NBAS: variants seen among roughly 807,000 people sequenced by gnomAD.
The protein encoded by NBAS is NAG/BC035112 fusion.
A neutral mutation model predicts 302.5 loss-of-function variants in NBAS; 219 were observed. The ratio of observed to expected loss-of-function variants is 0.72; its 90% CI spans 0.65 to 0.81. The LOEUF is 0.81. Ranked by LOEUF, NBAS falls within the 30% of genes least tolerant of loss-of-function variation. The pLI is 0.00. For missense variants in NBAS, 2,932 were observed against 2,841.6 expected (o/e 1.03, Z -0.72); for synonymous variants, 1,118 against 1,021.6 (o/e 1.09, Z -1.80).
intron 47 of NBAS, among the ~76,000 whole-genome samples, chr2:15,222,068 A>G (rs541125043): frequency 2.0e-5 from 3 of 152,364 alleles, no homozygotes; most frequent in African/African-American, 4.8e-5. Flanking sequence ...GAGAAATTAA[A>G]CAGAAACATA....
At chr2:14,830,420 T>C in the NBAS span, among the ~76,000 whole-genome samples, 4 of 152,164 alleles carry the variant, frequency 2.6e-5, no homozygotes, top group Admixed American at 2.6e-4. Context: ...GAGTTGGAGA[T>C]ACATTTGCCC....
chr2:15,014,681 T>C, the NBAS span, among the ~76,000 whole-genome samples: 1 of 151,740 alleles, frequency 6.6e-6, no homozygotes, highest in Non-Finnish European at 1.5e-5. Context: ...AAAAACTATA[T>C]AAAAAACTAG....
chr2:14,878,101 T>G, the NBAS span, among the ~76,000 whole-genome samples: 1 of 152,328 alleles, frequency 6.6e-6, no homozygotes, highest in South Asian at 2.1e-4. Flanking sequence ...GGCCTACTAG[T>G]GCTCCCATTT....
At chr2:15,517,682 C>T (rs1472037235) in intron 9 of NBAS, among the ~76,000 whole-genome samples, 2 of 147,466 alleles carry the variant, frequency 1.4e-5, no homozygotes, top group Non-Finnish European at 2.9e-5. Flanking sequence ...ATGGAAAATA[C>T]TGTAAGTGAA....
the NBAS span, among the ~76,000 whole-genome samples, chr2:14,963,374 C>A: frequency 1.3e-5 from 2 of 152,204 alleles, no homozygotes; most frequent in East Asian, 3.8e-4. Context: ...AACAGCAGTG[C>A]TGAGTGGTTA....
intron 44 of NBAS, among the ~76,000 whole-genome samples, chr2:15,247,572 CTG>C (rs1572520503): frequency 1.3e-5 from 2 of 151,864 alleles, no homozygotes; most frequent in African/African-American, 4.8e-5. Flanking sequence ...ATCCTAGTCT[CTG>C]ATACAACAGA....
the NBAS span, among the ~76,000 whole-genome samples, chr2:14,817,924 T>C: frequency 6.6e-6 from 1 of 152,284 alleles, no homozygotes; most frequent in Non-Finnish European, 1.5e-5. Flanking sequence ...TCCTCACTAG[T>C]AGGATTAATA....
the NBAS span, among the ~76,000 whole-genome samples, chr2:15,152,497 C>T: frequency 1.3e-5 from 2 of 152,194 alleles, no homozygotes; most frequent in Non-Finnish European, 2.9e-5. Flanking sequence ...TGAGTCTCAG[C>T]CAATTGCAGC....
chr2:14,915,993 A>AGTCCAAT, the NBAS span, among the ~76,000 whole-genome samples: 1 of 152,182 alleles, frequency 6.6e-6, no homozygotes, highest in South Asian at 2.1e-4. Context: ...TGGAACTGCA[A>AGTCCAAT]GTCCAATAAA....
intron 9 of NBAS, among the ~76,000 whole-genome samples, chr2:15,523,206 A>T (rs1572965821): frequency 6.6e-6 from 1 of 152,336 alleles, no homozygotes; most frequent in East Asian, 1.9e-4. Context: ...AAAATACATG[A>T]GAACCTCGAG....
intron 48 of NBAS, 109 bp downstream of exon 48, chr2:15,218,664 G>A (rs1012552406): frequency 2.1e-6 from 3 of 1,432,420 alleles, no homozygotes; most frequent in South Asian, 1.2e-5. Flanking sequence ...CTGGCCTCAG[G>A]TGATCCTCCC....
At chr2:15,510,198 T>G (rs1454435228) in intron 10 of NBAS, among the ~76,000 whole-genome samples, 1 of 152,230 alleles carries the variant, frequency 6.6e-6, no homozygotes, top group Admixed American at 6.5e-5. Context: ...CATGCAAGAC[T>G]GCAGTGTGGC....
At chr2:15,334,530 T>A (rs1254513095) in intron 35 of NBAS, among the ~76,000 whole-genome samples, 1 of 152,206 alleles carries the variant, frequency 6.6e-6, no homozygotes, top group Non-Finnish European at 1.5e-5. Context: ...ACTTGTTCTT[T>A]ACAGGATTTT....
At chr2:15,422,265 G>T (rs765488395) in intron 23 of NBAS, among the ~76,000 whole-genome samples, 1 of 152,102 alleles carries the variant, frequency 6.6e-6, no homozygotes, top group Non-Finnish European at 1.5e-5. Context: ...TAAGTAATAG[G>T]CATTTCAGGT....
At chr2:15,335,562 G>T (rs1424558109) in intron 35 of NBAS, among the ~76,000 whole-genome samples, 1 of 152,240 alleles carries the variant, frequency 6.6e-6, no homozygotes. Context: ...TGGTTTTAAC[G>T]TGCACCTCGC....
the NBAS span, among the ~76,000 whole-genome samples, chr2:14,990,413 G>A: frequency 5.3e-5 from 8 of 150,582 alleles, no homozygotes; most frequent in African/African-American, 2.0e-4. Flanking sequence ...AACAGAGTGA[G>A]ACTCCATCTC....
chr2:15,148,080 C>A, the NBAS span, among the ~76,000 whole-genome samples: 1 of 152,162 alleles, frequency 6.6e-6, no homozygotes. Flanking sequence ...AGAGAACCCC[C>A]AAACATGTTC....
chr2:15,242,129 G>A lies in NBAS; in HGVS notation c.5725-3443C>T, dbSNP rs141893478. On this transcript the variant is annotated intron_variant, in intron 44 of 51. Transcript: ENST00000281513. Reference sequence around the variant, plus strand: ...CTACTTTGTATGTATAAACTGTCTCGTCAGCATTACTGAGTCTAGCCCTCA... The same window carrying A: ...CTACTTTGTATGTATAAACTGTCTCATCAGCATTACTGAGTCTAGCCCTCA... 3.5e-3 allele frequency among the ~76,000 whole-genome samples: 531 copies of A among 152,212 alleles called. 6 individuals carry two copies. The highest frequency in any genetic ancestry group is 0.012 in the African/African-American group (495 of 41,534).
the NBAS span, among the ~76,000 whole-genome samples, chr2:14,957,855 T>A: frequency 6.6e-6 from 1 of 152,200 alleles, no homozygotes; most frequent in African/African-American, 2.4e-5. Context: ...TACCTGTTAC[T>A]TCATTTCCTC....
Sources: allele counts gnomAD v4.1 joint callset (sites outside exome capture counted in the v4.1 genomes callset), GRCh38; gene constraint gnomAD v4.1.1; transcripts MANE v1.5; gene names NCBI Gene and HGNC (gene_info 2026-07-23, HGNC 2026-07-21).